The following TTLL5 variants were observed in gnomAD, a reference collection of about 807,000 sequenced individuals.
TTLL5 encodes the protein tubulin polyglutamylase TTLL5.
TTLL5 carries 132 observed loss-of-function variants against 168.4 expected under a neutral mutation model. That is an observed-to-expected ratio of 0.78 (90% CI 0.68 to 0.91). The LOEUF (loss-of-function observed/expected upper bound fraction) is 0.91. Among genes scored for constraint, TTLL5 ranks in the 40% least tolerant of loss-of-function variants. The probability of loss-of-function intolerance (pLI) is 0.00; values close to 1 mark genes in which losing one functional copy is unlikely to be tolerated. For missense variants in TTLL5, 1,545 were observed against 1,581.5 expected, an observed-to-expected ratio of 0.98 and a Z score of 0.39; for synonymous variants, 546 against 558.6, an observed-to-expected ratio of 0.98 and a Z score of 0.32.
chr14:75,737,448 C>A, intron 15 of TTLL5: 1 of 982,526 alleles, frequency 1.0e-6, no homozygotes, highest in Non-Finnish European at 1.5e-6. Flanking sequence ...AGGGCTCTTG[C>A]TTTTGGTTTC....
At chr14:75,916,774 G>A (rs1040114109) in intron 31 of TTLL5, among the ~76,000 whole-genome samples, 9 of 152,216 alleles carry the variant, frequency 5.9e-5, no homozygotes. Flanking sequence ...TCAAAAGACA[G>A]AAGCATCCCA....
intron 29 of TTLL5, among the ~76,000 whole-genome samples, chr14:75,882,382 C>T (rs1380393874): frequency 6.6e-6 from 1 of 152,210 alleles, no homozygotes; most frequent in African/African-American, 2.4e-5. Context: ...ATGATGGAAA[C>T]TACACTGAGA....
intron 26 of TTLL5, among the ~76,000 whole-genome samples, chr14:75,792,004 G>A (rs942750084): frequency 3.9e-5 from 6 of 152,016 alleles, no homozygotes; most frequent in African/African-American, 1.2e-4. Flanking sequence ...GAACTCCTGG[G>A]CTTAAGCAAT....
chr14:75,902,118 T>C, intron 30 of TTLL5, 24 bp from the exon 31 acceptor site: 1 of 1,613,726 alleles, frequency 6.2e-7, no homozygotes, highest in Non-Finnish European at 8.5e-7. Context: ...CCTGCAGGTC[T>C]GACCAAGCTC....
chr14:75,707,834 A>G (rs1308726417), intron 9 of TTLL5, 127 bp downstream of exon 9: 8 of 797,652 alleles, frequency 1.0e-5, no homozygotes, highest in East Asian at 2.5e-5. Flanking sequence ...CTGCTTACAG[A>G]TGCAATCCAC....
chr14:75,864,162 T>C (rs2030306851), intron 29 of TTLL5, among the ~76,000 whole-genome samples: 1 of 152,202 alleles, frequency 6.6e-6, no homozygotes, highest in Non-Finnish European at 1.5e-5. Context: ...GATCTTAGTT[T>C]ATAACCTCCC....
chr14:75,740,645 A>AT (rs1432791017), intron 15 of TTLL5, among the ~76,000 whole-genome samples: 1 of 152,124 alleles, frequency 6.6e-6, no homozygotes, highest in Non-Finnish European at 1.5e-5. Flanking sequence ...GTATACCCTG[A>AT]TTATCAGTAT....
At chr14:75,707,543 T>G in intron 8 of TTLL5, 80 bp from the exon 9 acceptor site, 1 of 1,254,798 alleles carries the variant, frequency 8.0e-7, no homozygotes, top group East Asian at 2.4e-5. Flanking sequence ...CTTTCATGTT[T>G]CTTGGTTTCG....
chr14:75,848,404 CAG>C (rs1456316659), intron 28 of TTLL5, among the ~76,000 whole-genome samples: 1 of 152,052 alleles, frequency 6.6e-6, no homozygotes, highest in Non-Finnish European at 1.5e-5. Flanking sequence ...CTTGCCTTTG[CAG>C]AGTGTGAAAG....
intron 6 of TTLL5, among the ~76,000 whole-genome samples, chr14:75,695,614 A>G (rs1566817462): frequency 6.6e-6 from 1 of 151,952 alleles, no homozygotes; most frequent in African/African-American, 2.4e-5. Context: ...CAGCTTTAAA[A>G]TTTCTCTCTT....
At chr14:75,919,211 A>G (rs1440326836) in intron 31 of TTLL5, among the ~76,000 whole-genome samples, 1 of 150,306 alleles carries the variant, frequency 6.7e-6, no homozygotes. Context: ...AAAAAAAAAA[A>G]AAAAAAAAAA....
At chr14:75,813,879 A>C (rs1894220533) in intron 27 of TTLL5, among the ~76,000 whole-genome samples, 1 of 151,636 alleles carries the variant, frequency 6.6e-6, no homozygotes, top group Non-Finnish European at 1.5e-5. Flanking sequence ...TCTGTTTTCC[A>C]GACCCCTTTG....
intron 28 of TTLL5, among the ~76,000 whole-genome samples, 171 bp from the exon 29 acceptor site, chr14:75,863,496 T>C (rs2030205411): frequency 6.6e-6 from 1 of 152,186 alleles, no homozygotes; most frequent in Non-Finnish European, 1.5e-5. Context: ...GTCCTTGTCA[T>C]CATGGAGCTA....
At chr14:75,767,245 C>A (rs997535078) in intron 20 of TTLL5, among the ~76,000 whole-genome samples, 1 of 152,048 alleles carries the variant, frequency 6.6e-6, no homozygotes, top group East Asian at 1.9e-4. Flanking sequence ...TGAGCACCTG[C>A]CCTATGCCAG....
At chr14:75,850,175 G>A (rs1896767797) in intron 28 of TTLL5, among the ~76,000 whole-genome samples, 1 of 152,022 alleles carries the variant, frequency 6.6e-6, no homozygotes, top group Non-Finnish European at 1.5e-5. Flanking sequence ...GGGAGGCCGA[G>A]GCGGGCGGAT....
At position 75,733,977 on chromosome 14, in the gene TTLL5, CTG is replaced by C; in HGVS notation, c.1125-10_1125-9del. The C allele has an allele frequency of 6.2e-7, 1 of 1,613,674 alleles. No individual in the cohort carries two copies. Reference sequence around the variant, plus strand: ...ACTTATCAATTGCTCTTTTCTTTCTCTGTTCTGTTAGTGATGCGCCTCTGGAC... The same window carrying C: ...ACTTATCAATTGCTCTTTTCTTTCTCTTCTGTTAGTGATGCGCCTCTGGAC... On this transcript the variant is annotated splice_polypyrimidine_tract_variant and intron_variant, in intron 13 of 31. Coordinates refer to ENST00000298832, the MANE Select transcript of TTLL5 (RefSeq NM_015072.5).
intron 30 of TTLL5, among the ~76,000 whole-genome samples, chr14:75,884,328 C>T (rs536145945): frequency 1.9e-4 from 29 of 152,302 alleles, no homozygotes; most frequent in African/African-American, 6.5e-4. Context: ...CTCAGAAGGC[C>T]CTTGGTGGCC....
intron 31 of TTLL5, among the ~76,000 whole-genome samples, chr14:75,917,674 T>C (rs2033668491): frequency 6.6e-6 from 1 of 152,220 alleles, no homozygotes; most frequent in African/African-American, 2.4e-5. Flanking sequence ...TCTACTCCCC[T>C]GGGTGGGGGT....
At chr14:75,684,813 G>C (rs918779243) in intron 5 of TTLL5, 1 of 152,208 alleles carries the variant, frequency 6.6e-6, no homozygotes, top group South Asian at 2.1e-4. Flanking sequence ...GTGACTGGGG[G>C]ATAGTGTCTG....
Sources: allele counts gnomAD v4.1 joint callset (sites outside exome capture counted in the v4.1 genomes callset), GRCh38; gene constraint gnomAD v4.1.1; transcripts MANE v1.5; gene names NCBI Gene and HGNC (gene_info 2026-07-23, HGNC 2026-07-21).